The following DPP6 variants were observed in gnomAD, a reference collection of about 807,000 sequenced individuals.
The protein encoded by DPP6 is dipeptidyl peptidase like 6.
Under a neutral mutation model 122.6 loss-of-function variants are expected in DPP6, and 69 were observed. The observed-to-expected ratio is 0.56, with a 90% CI of 0.46 to 0.69. The LOEUF (loss-of-function observed/expected upper bound fraction) is 0.69, where lower values mean the gene tolerates loss of function less well. Ranked by LOEUF, DPP6 falls within the 30% of genes least tolerant of loss-of-function variation. The probability of loss-of-function intolerance (pLI) is 0.00; values close to 1 mark genes in which losing one functional copy is unlikely to be tolerated. For synonymous variants in DPP6, 418 were observed against 433.1 expected, an observed-to-expected ratio of 0.97 and a Z score of 0.43; for missense variants, 928 against 1,116.9, an observed-to-expected ratio of 0.83 and a Z score of 2.41.
intron 1 of DPP6, among the ~76,000 whole-genome samples, chr7:154,264,638 A>G (rs1040080349): frequency 1.1e-4 from 16 of 152,138 alleles, no homozygotes; most frequent in Admixed American, 1.3e-4. Flanking sequence ...GATGATGTTA[A>G]TGATGTTAAT....
At chr7:154,304,222 A>G (rs1320670319) in intron 1 of DPP6, among the ~76,000 whole-genome samples, 1 of 152,236 alleles carries the variant, frequency 6.6e-6, no homozygotes, top group Non-Finnish European at 1.5e-5. Context: ...GCTTGGCCAC[A>G]TGCTGGCCTG....
chr7:153,779,055 G>T, the DPP6 span, among the ~76,000 whole-genome samples: 68,395 of 145,052 alleles, frequency 0.47, 18,120 homozygotes, highest in South Asian at 0.54. Flanking sequence ...GGAAAAAATA[G>T]GCTAAGTGAA....
At chr7:154,723,757 T>A (rs1841935399) in intron 7 of DPP6, among the ~76,000 whole-genome samples, 1 of 152,224 alleles carries the variant, frequency 6.6e-6, no homozygotes, top group Admixed American at 6.5e-5. Flanking sequence ...CAAAATACCT[T>A]CCCTCCATAG....
chr7:153,924,544 A>G (rs1419993295), intron 1 of DPP6, among the ~76,000 whole-genome samples: 1 of 152,138 alleles, frequency 6.6e-6, no homozygotes, highest in East Asian at 1.9e-4. Context: ...ATCTTATTCA[A>G]TCTTTTAACT....
intron 1 of DPP6, among the ~76,000 whole-genome samples, chr7:154,434,733 G>A (rs1465735770): frequency 1.3e-5 from 2 of 152,228 alleles, no homozygotes; most frequent in African/African-American, 2.4e-5. Flanking sequence ...TCTCTTCCAC[G>A]TTTTTGATCA....
chr7:154,231,927 A>C (rs1428671790), intron 1 of DPP6, among the ~76,000 whole-genome samples: 1 of 152,206 alleles, frequency 6.6e-6, no homozygotes, highest in Admixed American at 6.5e-5. Context: ...TCTACCAGCC[A>C]GGGAGGAACT....
chr7:154,463,276 C>T (rs988142392), intron 2 of DPP6, among the ~76,000 whole-genome samples: 42 of 137,714 alleles, frequency 3.0e-4, no homozygotes, highest in African/African-American at 1.1e-3. Flanking sequence ...GGCACGATCT[C>T]GACTCACTGC....
At chr7:154,502,773 A>G (rs1825360268) in intron 3 of DPP6, among the ~76,000 whole-genome samples, 1 of 152,204 alleles carries the variant, frequency 6.6e-6, no homozygotes, top group Non-Finnish European at 1.5e-5. Flanking sequence ...ACTGAACTCT[A>G]TTTTGTAGTT....
At chr7:154,769,942 G>A (rs1460019995) in intron 9 of DPP6, among the ~76,000 whole-genome samples, 1 of 152,108 alleles carries the variant, frequency 6.6e-6, no homozygotes, top group African/African-American at 2.4e-5. Flanking sequence ...ATCTGCCCCT[G>A]GTCCCCTGGG....
chr7:154,641,113 C>A (rs1836058052), intron 6 of DPP6, among the ~76,000 whole-genome samples: 1 of 152,166 alleles, frequency 6.6e-6, no homozygotes, highest in Non-Finnish European at 1.5e-5. Context: ...ACTCCCCAGT[C>A]CCCGCTGTTA....
At chr7:154,448,772 A>G (rs984528380) in intron 2 of DPP6, among the ~76,000 whole-genome samples, 12 of 152,236 alleles carry the variant, frequency 7.9e-5, no homozygotes, top group African/African-American at 2.7e-4. Context: ...CCATACATCT[A>G]TAGTCAATTA....
At chr7:153,877,637 A>G in the DPP6 span, among the ~76,000 whole-genome samples, 1 of 151,872 alleles carries the variant, frequency 6.6e-6, no homozygotes, top group East Asian at 1.9e-4. Context: ...TGATTGCATA[A>G]AGAAAGTAGG....
rs542417624 is a variant in DPP6 at position 154,718,675 on chromosome 7, T to C, written c.763-9092T>C. Among the ~76,000 whole-genome samples the C allele has an allele frequency of 7.8e-4, 116 of 148,554 alleles. 4 individuals carry two copies. Among genetic ancestry groups the C allele is most frequent in the Admixed American group, 6.9e-3 (102 of 14,732 alleles). Reference sequence around the variant, plus strand: ...TTTTTTTGAGACTGAGTTTTGCTCTTGTTGCCCAGGCTGGAGTGCAGTGGC... The same window carrying C: ...TTTTTTTGAGACTGAGTTTTGCTCTCGTTGCCCAGGCTGGAGTGCAGTGGC... On this transcript the variant is annotated intron_variant, in intron 7 of 25. Transcript: ENST00000377770.
chr7:153,787,964 A>G, the DPP6 span, among the ~76,000 whole-genome samples: 1 of 151,762 alleles, frequency 6.6e-6, no homozygotes, highest in Non-Finnish European at 1.5e-5. Flanking sequence ...TATTATTCAC[A>G]CATTAATGGT....
the DPP6 span, among the ~76,000 whole-genome samples, chr7:153,827,477 G>C: frequency 6.6e-6 from 1 of 152,132 alleles, no homozygotes; most frequent in South Asian, 2.1e-4. Flanking sequence ...GGGAGCTTGC[G>C]ACTGGAGGAA....
chr7:154,078,458 A>C (rs576346399), intron 1 of DPP6, among the ~76,000 whole-genome samples: 1 of 152,226 alleles, frequency 6.6e-6, no homozygotes, highest in African/African-American at 2.4e-5. Flanking sequence ...CCAAAATGTC[A>C]GAAAATCTTG....
At chr7:153,844,130 A>T in the DPP6 span, among the ~76,000 whole-genome samples, 1 of 152,190 alleles carries the variant, frequency 6.6e-6, no homozygotes, top group African/African-American at 2.4e-5. Flanking sequence ...AGGGGGAAGC[A>T]CATCACCCGC....
intron 1 of DPP6, among the ~76,000 whole-genome samples, chr7:154,378,901 G>A (rs1182066526): frequency 1.3e-5 from 2 of 152,130 alleles, no homozygotes; most frequent in Non-Finnish European, 2.9e-5. Flanking sequence ...ATCAGATCTT[G>A]TGAAAACTCA....
intron 1 of DPP6, among the ~76,000 whole-genome samples, chr7:154,418,289 T>G (rs1249631919): frequency 6.6e-6 from 1 of 152,240 alleles, no homozygotes; most frequent in Non-Finnish European, 1.5e-5. Context: ...CATCCTTTTG[T>G]TCTGTTAGTG....
Sources: gnomAD v4.1 joint callset for allele counts (sites outside exome capture counted in the v4.1 genomes callset) on GRCh38, gnomAD v4.1.1 for gene constraint, MANE v1.5 for transcripts, NCBI Gene and HGNC (gene_info 2026-07-23, HGNC 2026-07-21) for gene names.